SLC25A24: variants seen among roughly 807,000 people sequenced by gnomAD.
SLC25A24 encodes the protein solute carrier family 25 member 24.
Under a neutral mutation model 60.7 loss-of-function variants are expected in SLC25A24, and 49 were observed. The observed-to-expected ratio is 0.81, with a 90% CI of 0.64 to 1.02. SLC25A24 has a LOEUF of 1.02. Among genes scored for constraint, SLC25A24 ranks in the 50% least tolerant of loss-of-function variants. The probability of loss-of-function intolerance (pLI) is 0.00; values close to 1 mark genes in which losing one functional copy is unlikely to be tolerated. For synonymous variants in SLC25A24, 202 were observed against 200.6 expected (o/e 1.01, Z -0.06); for missense variants, 564 against 586.3 (o/e 0.96, Z 0.39).
intron 7 of SLC25A24, among the ~76,000 whole-genome samples, chr1:108,146,234 G>A (rs1225659567): frequency 6.6e-6 from 1 of 152,114 alleles, no homozygotes; most frequent in African/African-American, 2.4e-5. Flanking sequence ...TTGGTTAATA[G>A]GAATGCTAGT....
intron 3 of SLC25A24, 61 bp downstream of exon 3, chr1:108,181,880 C>T: frequency 8.3e-7 from 1 of 1,209,022 alleles, no homozygotes; most frequent in African/African-American, 1.5e-5. Flanking sequence ...CTTACAAACA[C>T]AGAGTTCTAA....
At position 108,200,206 on chromosome 1, in the gene SLC25A24, G is replaced by C. The variant is rs964712161; in HGVS notation, c.-68C>G. The C allele has an allele frequency of 7.7e-5, 109 of 1,421,952 alleles. No homozygotes were observed. Among genetic ancestry groups the C allele is most frequent in the African/African-American group, 3.0e-5 (2 of 67,402 alleles). 88.1% of individuals were successfully genotyped at this position (1,421,952 alleles called of 1,614,324 possible). On this transcript the variant is annotated 5_prime_UTR_variant, in exon 1 of 10. Transcript: ENST00000565488. ...GATCGAGGGCTGCGGGGCGAGACCGGGACCAGCGCGAGGCCGGGCTGGGCG... is the reference window on the plus strand; with the variant it reads ...GATCGAGGGCTGCGGGGCGAGACCGCGACCAGCGCGAGGCCGGGCTGGGCG...
At position 108,136,507 on chromosome 1, in the gene SLC25A24, G is replaced by C; in HGVS notation, c.*146C>G. 1.6e-6 allele frequency: 1 copy of C among 643,956 alleles called. No individual in the cohort carries two copies. Among genetic ancestry groups the C allele is most frequent in the East Asian group, 2.7e-5 (1 of 36,478 alleles). The allele number at this position is 643,956 out of a possible 1,614,324, so 39.9% of individuals were successfully genotyped here. A position where few individuals can be genotyped will look rare whatever the true frequency, so the allele number is the denominator to read the frequency against. ...TGTGTACATATAATTTAGCCCAAAA[G>C]TTTGAAGTGACCATTGTTACCATCT... On this transcript the variant is annotated 3_prime_UTR_variant, in exon 10 of 10. Coordinates refer to ENST00000565488, the MANE Select transcript of SLC25A24 (RefSeq NM_013386.5).
intron 1 of SLC25A24, chr1:108,192,695 T>C: frequency 2.1e-6 from 3 of 1,451,110 alleles, no homozygotes; most frequent in Non-Finnish European, 2.7e-6. Flanking sequence ...ACGAACGGGA[T>C]CTCTGCCCAC....
At chr1:108,176,714 A>C (rs1647685802) in intron 3 of SLC25A24, among the ~76,000 whole-genome samples, 1 of 152,188 alleles carries the variant, frequency 6.6e-6, no homozygotes, top group Admixed American at 6.5e-5. Flanking sequence ...CAGGAGAGAA[A>C]GGGATGATAT....
intron 3 of SLC25A24, among the ~76,000 whole-genome samples, chr1:108,163,741 G>A (rs1016277512): frequency 7.3e-5 from 11 of 151,450 alleles, no homozygotes; most frequent in Non-Finnish European, 1.5e-4. Flanking sequence ...CTGCAAACAG[G>A]GACAATTTGA....
At chr1:108,158,657 A>T (rs1194404714) in intron 4 of SLC25A24, among the ~76,000 whole-genome samples, 1 of 151,372 alleles carries the variant, frequency 6.6e-6, no homozygotes, top group Non-Finnish European at 1.5e-5. Flanking sequence ...CATTTAATGC[A>T]TATTTAATTT....
At chr1:108,162,874 C>A (rs1340581716) in intron 3 of SLC25A24, among the ~76,000 whole-genome samples, 2 of 149,082 alleles carry the variant, frequency 1.3e-5, no homozygotes, top group South Asian at 4.3e-4. Flanking sequence ...TTGCCCATGC[C>A]TATGTCCTGA....
At position 108,143,541 on chromosome 1, in the gene SLC25A24, A is replaced by G; in HGVS notation, c.1098+2T>C. On this transcript the variant is annotated splice_donor_variant, in intron 8 of 9. Transcript: ENST00000565488. LOFTEE classifies it high-confidence loss of function. ...CAATTCAAAAGATTTCTACAAACTCACCTCATACACAGCAAGATCTATGCC... is the reference window on the plus strand; with the variant it reads ...CAATTCAAAAGATTTCTACAAACTCGCCTCATACACAGCAAGATCTATGCC... 1 of 1,600,716 alleles carries G rather than the reference A, an allele frequency of 6.2e-7. No individual in the cohort carries two copies.
At chr1:108,162,825 T>A (rs1248633941) in intron 3 of SLC25A24, among the ~76,000 whole-genome samples, 3 of 150,336 alleles carry the variant, frequency 2.0e-5, no homozygotes, top group African/African-American at 7.3e-5. Context: ...AATTTTGGCT[T>A]TTGTTGCCAT....
chr1:108,175,384 T>C (rs535280857), intron 3 of SLC25A24, among the ~76,000 whole-genome samples: 2 of 152,188 alleles, frequency 1.3e-5, no homozygotes, highest in African/African-American at 4.8e-5. Flanking sequence ...TCCACCATGA[T>C]TGTAAGTTTC....
chr1:108,188,196 G>C (rs548088031), intron 1 of SLC25A24, among the ~76,000 whole-genome samples: 7 of 151,920 alleles, frequency 4.6e-5, no homozygotes, highest in African/African-American at 1.7e-4. Context: ...CGGATATAAA[G>C]ATGGGAAAAG....
In SLC25A24 at chr1:108,136,443, CT is replaced by C. The variant is rs1336868676; in HGVS notation, c.*209del. 2 of 489,982 alleles carry C rather than the reference CT, an allele frequency of 4.1e-6. No homozygotes were observed. The highest frequency in any genetic ancestry group is 7.2e-6 in the Non-Finnish European group (2 of 279,054). 30.4% of individuals were successfully genotyped at this position (489,982 alleles called of 1,614,324 possible). The stretch of plus-strand genomic sequence containing the variant: ...AAAAGATAAAGTATAATTGTGTGGC[CT>C]TTTCAAAACACATTAAAACTATGAT... On this transcript the variant is annotated 3_prime_UTR_variant, in exon 10 of 10. Transcript: ENST00000565488.
intron 9 of SLC25A24, among the ~76,000 whole-genome samples, chr1:108,137,419 T>C (rs1344479482): frequency 6.6e-6 from 1 of 152,182 alleles, no homozygotes; most frequent in Non-Finnish European, 1.5e-5. Flanking sequence ...AAAACCAGTG[T>C]TGCTGGCACA....
chr1:108,156,601 A>C (rs1017701266), intron 5 of SLC25A24, among the ~76,000 whole-genome samples: 1 of 152,238 alleles, frequency 6.6e-6, no homozygotes, highest in African/African-American at 2.4e-5. Flanking sequence ...GACAAATATA[A>C]AAAGTGTTGA....
At chr1:108,141,330 C>T (rs1258934331) in intron 8 of SLC25A24, among the ~76,000 whole-genome samples, 1 of 152,048 alleles carries the variant, frequency 6.6e-6, no homozygotes, top group Non-Finnish European at 1.5e-5. Flanking sequence ...AGCAACACAG[C>T]AATAGTAGTA....
intron 1 of SLC25A24, among the ~76,000 whole-genome samples, chr1:108,197,964 A>T (rs1050109448): frequency 1.3e-5 from 2 of 152,234 alleles, no homozygotes; most frequent in Middle Eastern, 3.4e-3. Flanking sequence ...CATGAGACTG[A>T]ATTAGTTCCC....
intron 3 of SLC25A24, among the ~76,000 whole-genome samples, chr1:108,164,697 G>A (rs1387893600): frequency 6.7e-6 from 1 of 148,846 alleles, no homozygotes; most frequent in African/African-American, 2.5e-5. Context: ...TTCTTTATTA[G>A]TCTTGCTAGC....
chr1:108,166,839 A>G (rs372405828), intron 3 of SLC25A24, among the ~76,000 whole-genome samples: 1 of 152,142 alleles, frequency 6.6e-6, no homozygotes, highest in East Asian at 1.9e-4. Context: ...GGTGAGGAAC[A>G]GCGTTCCTTT....
Sources: allele counts gnomAD v4.1 joint callset (sites outside exome capture counted in the v4.1 genomes callset), GRCh38; gene constraint gnomAD v4.1.1; transcripts MANE v1.5; gene names NCBI Gene and HGNC (gene_info 2026-07-23, HGNC 2026-07-21).